Variants in TET3 observed in about 807,000 individuals in gnomAD.
TET3 encodes the protein tet methylcytosine dioxygenase 3.
Under a neutral mutation model 141.4 loss-of-function variants are expected in TET3, and 19 were observed. That is an observed-to-expected ratio of 0.13 (90% CI 0.09 to 0.20). The LOEUF is 0.20. Ranked by LOEUF, TET3 falls within the 10% of genes least tolerant of loss-of-function variation. The probability of loss-of-function intolerance (pLI) is 1.00; values close to 1 mark genes in which losing one functional copy is unlikely to be tolerated. For synonymous variants in TET3, 1,043 were observed against 980.9 expected (o/e 1.06, Z -1.18); for missense variants, 1,874 against 2,356.9 (o/e 0.80, Z 4.24).
chr2:74,056,511 AGCTTT>A (rs1688221427), intron 4 of TET3, among the ~76,000 whole-genome samples: 1 of 152,042 alleles, frequency 6.6e-6, no homozygotes, highest in Non-Finnish European at 1.5e-5. Context: ...TCTCCCCTAG[AGCTTT>A]CTACCATGTA....
intron 2 of TET3, among the ~76,000 whole-genome samples, chr2:73,988,087 T>C (rs892724350): frequency 1.1e-4 from 17 of 152,204 alleles, no homozygotes; most frequent in African/African-American, 3.6e-4. Context: ...AAAGCAGACA[T>C]CTGGATCACA....
At position 74,048,297 on chromosome 2, in the gene TET3, A is replaced by T; in HGVS notation, c.2380A>T (p.Thr794Ser). 1 of 1,613,704 alleles carries T rather than the reference A, an allele frequency of 6.2e-7. No homozygotes were observed. Among genetic ancestry groups the T allele is most frequent in the Non-Finnish European group, 8.5e-7 (1 of 1,179,836 alleles). ...CAAGGCTGAGAACCCACTCACACCC[A>T]CCCTCAGTGGCTTCTTGGAGTCACC... is the stretch of plus-strand genomic sequence containing the variant. ...PTKAENPLTP[T>S]LSGFLESPLK... Residue 794 changes from threonine (T) to serine (S), a missense_variant, in exon 4 of 12, where the codon ACC (threonine) becomes TCC (serine). Physicochemically the swap from Thr to Ser is moderately conservative, Grantham distance 58 (BLOSUM62 1). This residue lies in a region of TET3 where 83 missense variants were observed against 107.0 expected (regional missense o/e 0.78). Coordinates refer to ENST00000409262, the MANE Select transcript of TET3 (RefSeq NM_001287491.2).
intron 3 of TET3, among the ~76,000 whole-genome samples, chr2:74,015,480 AT>A (rs1685680891): frequency 6.6e-6 from 1 of 152,174 alleles, no homozygotes; most frequent in Non-Finnish European, 1.5e-5. Context: ...TCCTGCAGTA[AT>A]GTGTTTGTAC....
chr2:74,001,513 C>A (rs1266555410), intron 2 of TET3, among the ~76,000 whole-genome samples: 2 of 152,106 alleles, frequency 1.3e-5, no homozygotes, highest in Admixed American at 1.3e-4. Flanking sequence ...AGAGAGGCTA[C>A]GAGAGGTAAG....
In TET3 at chr2:74,099,429, G is replaced by A; in HGVS notation, c.3421G>A (p.Val1141Met). ...AAAGGTGGGCAGCGGAGCCATCCAG[G>A]TGCTCACCGCCTTCCCCCGCGAGGT... is the stretch of plus-strand genomic sequence containing the variant. ...NAKVGSGAIQ[V>M]LTAFPREVRR... The change falls in exon 11 of 12, where the codon GTG (valine) becomes ATG (methionine). Residue 1141 changes from valine to methionine, a missense_variant. Val to Met is a conservative substitution (Grantham distance 21). Coordinates refer to ENST00000409262, the MANE Select transcript of TET3 (RefSeq NM_001287491.2). The A allele has an allele frequency of 1.2e-6, 2 of 1,614,010 alleles. No individual in the cohort carries two copies. Among genetic ancestry groups the A allele is most frequent in the Non-Finnish European group, 1.7e-6 (2 of 1,179,898 alleles).
chr2:74,039,629 G>A (rs996267140), intron 3 of TET3, among the ~76,000 whole-genome samples: 38 of 152,194 alleles, frequency 2.5e-4, no homozygotes, highest in African/African-American at 7.2e-4. Flanking sequence ...ACAACAGCAT[G>A]GGTAGCTTCT....
rs377761656 is a variant in TET3, at chr2:74,048,240, T to C, written c.2323T>C (p.Ser775Pro). The stretch of plus-strand genomic sequence containing the variant: ...TGTGCTCTCAACCACCTGCTTCCAT[T>C]CAGAGGAGGGAGGACAGGAGGCCAC... ...VTVLSTTCFH[S>P]EEGGQEATPT... Residue 775 changes from serine to proline, a missense_variant, in exon 4 of 12, where the codon TCA (serine) becomes CCA (proline). Transcript: ENST00000409262. 1.7e-5 allele frequency: 28 copies of C among 1,613,348 alleles called. No homozygotes were observed. The African/African-American group carries it at 3.6e-4, about 21-fold the overall frequency.
chr2:73,994,649 T>C (rs1235037511), intron 2 of TET3, among the ~76,000 whole-genome samples: 1 of 147,490 alleles, frequency 6.8e-6, no homozygotes, highest in Non-Finnish European at 1.5e-5. Flanking sequence ...TTTTTTTTTT[T>C]TTTTTTTGAT....
chr2:74,117,980 G>A, the TET3 span, among the ~76,000 whole-genome samples: 44 of 151,918 alleles, frequency 2.9e-4, no homozygotes, highest in Admixed American at 6.6e-5. Flanking sequence ...TCCTGACCTC[G>A]TGATCCACCC....
intron 4 of TET3, among the ~76,000 whole-genome samples, chr2:74,067,451 A>G (rs370111643): frequency 2.2e-4 from 33 of 152,216 alleles, no homozygotes; most frequent in African/African-American, 7.7e-4. Flanking sequence ...TGTATTTTAC[A>G]CATAGAGGCA....
At chr2:74,050,972 G>A (rs760235597) in intron 4 of TET3, among the ~76,000 whole-genome samples, 10 of 152,162 alleles carry the variant, frequency 6.6e-5, no homozygotes, top group Admixed American at 5.2e-4. Context: ...TGGCTATATC[G>A]CAGGGGTACC....
At chr2:74,029,854 G>A (rs1228554238) in intron 3 of TET3, among the ~76,000 whole-genome samples, 6 of 152,154 alleles carry the variant, frequency 3.9e-5, no homozygotes, top group Non-Finnish European at 7.3e-5. Context: ...AACTACACTA[G>A]TGGCAGCTTC....
intron 3 of TET3, among the ~76,000 whole-genome samples, chr2:74,023,972 CCTTT>C (rs1421800409): frequency 6.6e-6 from 1 of 152,080 alleles, no homozygotes; most frequent in East Asian, 1.9e-4. Context: ...GTTTTTCCTA[CCTTT>C]CTTTGTTTTT....
At chr2:74,063,144 A>T (rs190562080) in intron 4 of TET3, among the ~76,000 whole-genome samples, 46 of 151,644 alleles carry the variant, frequency 3.0e-4, no homozygotes, top group African/African-American at 1.0e-3. Flanking sequence ...TCAGCTTCCC[A>T]AAGTGTTGGG....
At chr2:74,133,203 C>T in the TET3 span, among the ~76,000 whole-genome samples, 2 of 152,096 alleles carry the variant, frequency 1.3e-5, no homozygotes, top group Non-Finnish European at 2.9e-5. Flanking sequence ...CGTGAGCCAC[C>T]GTGCCCAGCC....
At chr2:74,070,707 C>G (rs1689158266) in intron 4 of TET3, among the ~76,000 whole-genome samples, 1 of 152,202 alleles carries the variant, frequency 6.6e-6, no homozygotes, top group South Asian at 2.1e-4. Flanking sequence ...GTCCCAGTGT[C>G]TCAAGCCTGT....
intron 3 of TET3, among the ~76,000 whole-genome samples, chr2:74,026,531 T>G (rs1458576511): frequency 6.6e-6 from 1 of 152,192 alleles, no homozygotes; most frequent in Non-Finnish European, 1.5e-5. Context: ...ACAAGGGCAG[T>G]GCTTAACAGA....
At chr2:74,036,740 A>G (rs1162077431) in intron 3 of TET3, among the ~76,000 whole-genome samples, 6 of 152,234 alleles carry the variant, frequency 3.9e-5, no homozygotes, top group Admixed American at 2.0e-4. Flanking sequence ...GTTCCATCAG[A>G]GTCACGTAGA....
At chr2:74,099,205 T>G (rs1232986977) in intron 10 of TET3, 71 bp from the exon 11 acceptor site, 1 of 1,386,150 alleles carries the variant, frequency 7.2e-7, no homozygotes, top group East Asian at 2.5e-5. Flanking sequence ...GTGTTTTGGG[T>G]GCTCAGACCC....
Sources: allele counts gnomAD v4.1 joint callset (sites outside exome capture counted in the v4.1 genomes callset), GRCh38; gene constraint gnomAD v4.1.1; regional missense constraint gnomAD v4.1.1; transcripts MANE v1.5; gene names NCBI Gene and HGNC (gene_info 2026-07-23, HGNC 2026-07-21).